Variants in RIT2 observed in about 807,000 individuals in gnomAD.
RIT2 encodes the protein GTP-binding protein Rit2.
A neutral mutation model predicts 23.7 loss-of-function variants in RIT2; 24 were observed. That is an observed-to-expected ratio of 1.01 (90% CI 0.73 to 1.43). The LOEUF is 1.43. Among genes scored for constraint, RIT2 ranks in the 40% most tolerant of loss-of-function variants. The pLI is 0.00. For missense variants in RIT2, 236 were observed against 266.9 expected (o/e 0.88, Z 0.81); for synonymous variants, 107 against 91.1 (o/e 1.17, Z -0.99).
At chr18:42,759,760 G>GATATATATATAT (rs149291326) in intron 4 of RIT2, among the ~76,000 whole-genome samples, 1 of 130,686 alleles carries the variant, frequency 7.7e-6, no homozygotes. Flanking sequence ...CACACATACG[G>GATATATATATAT]ATATATATAT....
At chr18:42,818,740 A>C (rs183472538) in intron 4 of RIT2, among the ~76,000 whole-genome samples, 1 of 152,186 alleles carries the variant, frequency 6.6e-6, no homozygotes, top group East Asian at 1.9e-4. Context: ...GTAAGTAGAA[A>C]TGGGTAAATT....
At chr18:42,842,176 G>T (rs1168370641) in intron 4 of RIT2, among the ~76,000 whole-genome samples, 1 of 152,160 alleles carries the variant, frequency 6.6e-6, no homozygotes, top group Non-Finnish European at 1.5e-5. Flanking sequence ...CTGTGTTGAT[G>T]CAGGTCTGAT....
chr18:42,806,431 T>C (rs1905687113), intron 4 of RIT2, among the ~76,000 whole-genome samples: 1 of 151,872 alleles, frequency 6.6e-6, no homozygotes, highest in African/African-American at 2.4e-5. Context: ...ATTGTGCCAT[T>C]GCACTCCACC....
chr18:42,827,791 G>A (rs1906338894), intron 4 of RIT2, among the ~76,000 whole-genome samples: 1 of 151,804 alleles, frequency 6.6e-6, no homozygotes, highest in African/African-American at 2.4e-5. Context: ...GGATCACGAG[G>A]TCAGGAAATC....
chr18:42,910,815 G>A (rs1319367992), intron 4 of RIT2, among the ~76,000 whole-genome samples: 1 of 152,036 alleles, frequency 6.6e-6, no homozygotes, highest in Non-Finnish European at 1.5e-5. Context: ...AAAATACATA[G>A]AGCAAAAACC....
At chr18:42,997,432 A>T (rs8086600) in intron 2 of RIT2, among the ~76,000 whole-genome samples, 9 of 151,892 alleles carry the variant, frequency 5.9e-5, no homozygotes, top group Admixed American at 5.9e-4. Flanking sequence ...AAAAACAAAA[A>T]AAAGGAACGA....
At chr18:42,963,719 C>A (rs550645648) in intron 3 of RIT2, among the ~76,000 whole-genome samples, 1 of 152,076 alleles carries the variant, frequency 6.6e-6, no homozygotes, top group Non-Finnish European at 1.5e-5. Flanking sequence ...ATGGTGAAAC[C>A]CCATTTCTAC....
intron 3 of RIT2, among the ~76,000 whole-genome samples, chr18:42,956,351 T>A (rs538164795): frequency 6.6e-6 from 1 of 152,304 alleles, no homozygotes; most frequent in East Asian, 1.9e-4. Flanking sequence ...AAGTCCTTTT[T>A]ATTCTCTCTG....
At chr18:43,026,630 A>C (rs57793973) in intron 2 of RIT2, among the ~76,000 whole-genome samples, 3,866 of 94,542 alleles carry the variant, frequency 0.041, 197 homozygotes, top group African/African-American at 0.12. Context: ...GAAAGAAAGA[A>C]AGAAAGAGAG....
intron 4 of RIT2, among the ~76,000 whole-genome samples, chr18:42,822,920 C>T (rs1017598230): frequency 6.6e-5 from 10 of 152,112 alleles, no homozygotes; most frequent in Non-Finnish European, 1.0e-4. Flanking sequence ...GCAACGAAGG[C>T]GTTTGCCCTT....
At chr18:42,898,241 A>G (rs1908383328) in intron 4 of RIT2, among the ~76,000 whole-genome samples, 1 of 152,120 alleles carries the variant, frequency 6.6e-6, no homozygotes, top group Non-Finnish European at 1.5e-5. Context: ...ACCTCTACTA[A>G]AAATTAGCTA....
At chr18:43,033,975 A>G in intron 1 of RIT2, 108 bp from the exon 2 acceptor site, 1 of 662,556 alleles carries the variant, frequency 1.5e-6, no homozygotes, top group Non-Finnish European at 2.5e-6. Context: ...TGAATAAGTT[A>G]GTTATGTGAG....
rs1241089716 is a variant in RIT2 at position 43,101,917 on chromosome 18, A to G, written c.103+13500T>C. ...GTAGAAAAGAGTGGGTAGCTAGCTAAACAAAAAATAGACAAAATAGGAAGG... is the reference window on the plus strand; with the variant it reads ...GTAGAAAAGAGTGGGTAGCTAGCTAGACAAAAAATAGACAAAATAGGAAGG... On this transcript the variant is annotated intron_variant, in intron 1 of 4. Coordinates refer to ENST00000326695, the MANE Select transcript of RIT2 (RefSeq NM_002930.4). Among the ~76,000 whole-genome samples, 3 of 152,218 alleles carry G rather than the reference A, an allele frequency of 2.0e-5. No individual in the cohort carries two copies. The East Asian group carries it at 5.8e-4, about 29-fold the overall frequency.
intron 4 of RIT2, among the ~76,000 whole-genome samples, chr18:42,905,042 A>C (rs541035847): frequency 6.6e-6 from 1 of 152,316 alleles, no homozygotes; most frequent in Non-Finnish European, 1.5e-5. Flanking sequence ...TAATCTGTAA[A>C]GCTTAAAATC....
At chr18:42,820,724 T>A (rs1347643009) in intron 4 of RIT2, among the ~76,000 whole-genome samples, 2 of 152,140 alleles carry the variant, frequency 1.3e-5, no homozygotes, top group African/African-American at 4.8e-5. Context: ...TAGAAAAAAC[T>A]ATGAGATATT....
chr18:43,039,552 T>TGG (rs1912079148), intron 1 of RIT2, among the ~76,000 whole-genome samples: 1 of 152,068 alleles, frequency 6.6e-6, no homozygotes, highest in South Asian at 2.1e-4. Flanking sequence ...TTCTCCGTGT[T>TGG]GGTCAGGCTG....
At chr18:42,828,851 T>A (rs1216572444) in intron 4 of RIT2, among the ~76,000 whole-genome samples, 1 of 152,196 alleles carries the variant, frequency 6.6e-6, no homozygotes, top group Non-Finnish European at 1.5e-5. Flanking sequence ...GAAGTAAAAA[T>A]TAGCATCCCT....
chr18:42,943,446 G>T (rs997836414), intron 3 of RIT2, among the ~76,000 whole-genome samples: 4 of 152,036 alleles, frequency 2.6e-5, no homozygotes, highest in African/African-American at 4.8e-5. Flanking sequence ...TCACCTCTCA[G>T]TAGGAGGTAC....
chr18:43,018,128 A>C (rs2144262338), intron 2 of RIT2, among the ~76,000 whole-genome samples: 1 of 152,158 alleles, frequency 6.6e-6, no homozygotes, highest in South Asian at 2.1e-4. Context: ...TTAATCACAC[A>C]GTTCAGTTCA....
Sources: allele counts gnomAD v4.1 joint callset (sites outside exome capture counted in the v4.1 genomes callset), GRCh38; gene constraint gnomAD v4.1.1; transcripts MANE v1.5; gene names NCBI Gene and HGNC (gene_info 2026-07-23, HGNC 2026-07-21).